Variants in SCYL3 observed in about 807,000 individuals in gnomAD.
SCYL3 encodes protein-associating with the carboxyl-terminal domain of ezrin.
SCYL3 carries 35 observed loss-of-function variants against 73.8 expected under a neutral mutation model. That is an observed-to-expected ratio of 0.47 (90% CI 0.36 to 0.63). The LOEUF (loss-of-function observed/expected upper bound fraction) is 0.63, where lower values mean the gene tolerates loss of function less well. Ranked by LOEUF, SCYL3 falls within the 20% of genes least tolerant of loss-of-function variation. The pLI is 0.00. For missense variants in SCYL3, 712 were observed against 798.9 expected, an observed-to-expected ratio of 0.89 and a Z score of 1.31; for synonymous variants, 277 against 295.2, an observed-to-expected ratio of 0.94 and a Z score of 0.63.
In SCYL3 at chr1:169,866,935, A is replaced by G; in HGVS notation, c.776T>C (p.Leu259Ser). 1 of 1,589,008 alleles carries G rather than the reference A, an allele frequency of 6.3e-7. No homozygotes were observed. Among genetic ancestry groups the G allele is most frequent in the Non-Finnish European group, 8.6e-7 (1 of 1,165,158 alleles). ...FLEVVNFLKS[L>S]TLKSEEEKTE... ...TTTCTCCTCTTCACTCTTCAATGTT[A>G]AACTTTTCAAGAAATTCACAACTTC... is the stretch of plus-strand genomic sequence containing the variant. The change falls in exon 8 of 13, where the codon TTA becomes TCA. Residue 259 changes from leucine to serine, a missense_variant. Around this residue, in one of 2 missense-constraint regions of SCYL3, gnomAD observed 342 missense variants for 448.1 expected, o/e 0.76. Transcript: ENST00000367771.
chr1:169,870,219 T>C, intron 6 of SCYL3, 36 bp downstream of exon 6: 1 of 1,385,466 alleles, frequency 7.2e-7, no homozygotes, highest in African/African-American at 1.4e-5. Flanking sequence ...ATTTTCCTAC[T>C]TATTCTATAG....
chr1:169,855,051 A>G, intron 11 of SCYL3, 87 bp from the exon 12 acceptor site: 1 of 924,456 alleles, frequency 1.1e-6, no homozygotes. Flanking sequence ...GAAGTGTAGT[A>G]GTATAGGTCT....
At chr1:169,883,813 G>C (rs778023649) in intron 2 of SCYL3, among the ~76,000 whole-genome samples, 1 of 150,718 alleles carries the variant, frequency 6.6e-6, no homozygotes, top group Non-Finnish European at 1.5e-5. Context: ...CCGCCTCCCA[G>C]GTTCAACCAA....
chr1:169,859,123 C>T lies in SCYL3; in HGVS notation c.1230G>A (p.Glu410=), dbSNP rs1017880804. 6.2e-7 allele frequency: 1 copy of T among 1,614,046 alleles called. No homozygotes were observed. The highest frequency in any genetic ancestry group is 8.5e-7 in the Non-Finnish European group (1 of 1,180,000). Residue 410 remains glutamate (E), a synonymous_variant, in exon 11 of 13, where the codon GAG becomes GAA. Coordinates refer to ENST00000367771, the MANE Select transcript of SCYL3 (RefSeq NM_020423.7). ...LAVLVSLLGP[E]VVVGGERTKI... ...TGGTTCGTTCTCCTCCCACAACCAC[C>T]TCTGGTCCAAGCAGAGAGACCAGCA...
At chr1:169,859,969 C>A (rs1022604389) in intron 10 of SCYL3, 2 of 152,294 alleles carry the variant, frequency 1.3e-5, no homozygotes, top group Non-Finnish European at 2.9e-5. Context: ...GCAGGTCAAA[C>A]TCCTGGGCTG....
Position 169,854,799 on chromosome 1 carries a change from A to G in SCYL3, c.1478T>C (p.Ile493Thr). ...ATCATCACAAGGTTCTCTAGGCCAA[A>G]TCTGTATGTTGACAGTTTGATTTTC... Reference protein sequence around the residue: ...EPENQTVNIQIWPREPCDDVK... With the variant: ...EPENQTVNIQTWPREPCDDVK... Residue 493 changes from isoleucine to threonine, a missense_variant, in exon 12 of 13, where the codon ATT (isoleucine) becomes ACT (threonine). Around this residue, in one of 2 missense-constraint regions of SCYL3, gnomAD observed 370 missense variants for 350.8 expected, o/e 1.05. Coordinates refer to ENST00000367771, the MANE Select transcript of SCYL3 (RefSeq NM_020423.7). 1 of 1,614,012 alleles carries G rather than the reference A, an allele frequency of 6.2e-7. No homozygotes were observed. The highest frequency in any genetic ancestry group is 1.7e-5 in the Admixed American group (1 of 60,014).
rs1661850765 is a variant in SCYL3 at position 169,888,696 on chromosome 1, T to G, written c.145A>C (p.Lys49Gln). ...VFVYKRENED[K>Q]VNKAAKHLKT... ...GGTACCTTGGCAGCTTTATTAACCT[T>G]GTCTTCATTTTCTCTCTTATACACA... Residue 49 changes from lysine to glutamine, a missense_variant, in exon 2 of 13, where the codon AAG becomes CAG. By Grantham distance (53) the Lys-to-Gln change is moderately conservative (BLOSUM62 1). Around this residue, in one of 2 missense-constraint regions of SCYL3, gnomAD observed 342 missense variants for 448.1 expected, o/e 0.76. Transcript: ENST00000367771. 1 of 1,613,874 alleles carries G rather than the reference T, an allele frequency of 6.2e-7. No homozygotes were observed. Among genetic ancestry groups the G allele is most frequent in the Admixed American group, 1.7e-5 (1 of 59,994 alleles).
In SCYL3 at chr1:169,854,827, G is replaced by C. The variant is rs766614589; in HGVS notation, c.1450C>G (p.Pro484Ala). 10 of 1,613,980 alleles carry C rather than the reference G, an allele frequency of 6.2e-6. No individual in the cohort carries two copies. The highest frequency in any genetic ancestry group is 8.5e-6 in the Non-Finnish European group (10 of 1,179,942). ...TGTATGTTGACAGTTTGATTTTCAG[G>C]CTCCTCAGGTTCACTCCAGTCAGGC... is the stretch of plus-strand genomic sequence containing the variant. ...EWPDWSEPEEPENQTVNIQIW... is the reference protein window; with the variant it reads ...EWPDWSEPEEAENQTVNIQIW... The change falls in exon 12 of 13, where the codon CCT becomes GCT. Residue 484 changes from proline to alanine, a missense_variant. Transcript: ENST00000367771.
intron 2 of SCYL3, among the ~76,000 whole-genome samples, chr1:169,886,530 A>C (rs944858700): frequency 4.6e-5 from 7 of 152,224 alleles, no homozygotes; most frequent in Non-Finnish European, 1.0e-4. Context: ...GCATCTACAT[A>C]CCACTCTTAG....
chr1:169,873,450 T>C (rs1660572590), intron 5 of SCYL3, among the ~76,000 whole-genome samples: 1 of 152,244 alleles, frequency 6.6e-6, no homozygotes, highest in Non-Finnish European at 1.5e-5. Context: ...GAAATGGGTA[T>C]AATTGTCTGT....
At position 169,853,065 on chromosome 1, in the gene SCYL3, T is replaced by A. The variant is rs1571366496; in HGVS notation, c.*648A>T. 2 of 1,413,884 alleles carry A rather than the reference T, an allele frequency of 1.4e-6. No individual in the cohort carries two copies. The highest frequency in any genetic ancestry group is 9.8e-7 in the Non-Finnish European group (1 of 1,018,350). The allele number at this position is 1,413,884 out of a possible 1,614,324, so 87.6% of individuals were successfully genotyped here. ...ATGTCTGTACATTTTCTAACAGATA[T>A]AAAACAAATTTTGTAAAGTTGAATC... On this transcript the variant is annotated 3_prime_UTR_variant, in exon 13 of 13. Coordinates refer to ENST00000367771, the MANE Select transcript of SCYL3 (RefSeq NM_020423.7).
In SCYL3 at chr1:169,870,817, C is replaced by T. The variant is rs149167832; in HGVS notation, c.523-460G>A. 2.6e-4 allele frequency among the ~76,000 whole-genome samples: 39 copies of T among 151,650 alleles called. No individual in the cohort carries two copies. In the East Asian group the frequency reaches 6.4e-3, roughly 25 times the overall value. On this transcript the variant is annotated intron_variant, in intron 5 of 12. Coordinates refer to ENST00000367771, the MANE Select transcript of SCYL3 (RefSeq NM_020423.7). The stretch of plus-strand genomic sequence containing the variant: ...AATTGACTTAAAACCCGCAAATCAC[C>T]GATTTTAAAAACACTAGTATATATA...
chr1:169,852,556 T>G lies in SCYL3; in HGVS notation c.*1157A>C. 1 of 536,888 alleles carries G rather than the reference T, an allele frequency of 1.9e-6. No individual in the cohort carries two copies. The highest frequency in any genetic ancestry group is 3.3e-6 in the Non-Finnish European group (1 of 302,318). The allele number at this position is 536,888 out of a possible 1,614,324, so 33.3% of individuals were successfully genotyped here. On this transcript the variant is annotated 3_prime_UTR_variant, in exon 13 of 13. Transcript: ENST00000367771. ...GAGCCCTTTGGGACAGGATACTTGTTGTATACCACATACAAACTAAGACAC... is the reference window on the plus strand; with the variant it reads ...GAGCCCTTTGGGACAGGATACTTGTGGTATACCACATACAAACTAAGACAC...
intron 2 of SCYL3, among the ~76,000 whole-genome samples, chr1:169,883,646 A>T (rs1380223684): frequency 6.6e-6 from 1 of 151,924 alleles, no homozygotes; most frequent in Non-Finnish European, 1.5e-5. Context: ...GATGCCTCAA[A>T]CTTTATTAAA....
At chr1:169,878,942 CT>C in intron 2 of SCYL3, 123 bp from the exon 3 acceptor site, 1 of 741,846 alleles carries the variant, frequency 1.3e-6, no homozygotes, top group South Asian at 1.8e-5. Flanking sequence ...AGCTCCCTAC[CT>C]TCCTCCCTAC....
At chr1:169,879,796 CTAGAGA>C (rs557768944) in intron 2 of SCYL3, among the ~76,000 whole-genome samples, 123 of 151,714 alleles carry the variant, frequency 8.1e-4, no homozygotes, top group Non-Finnish European at 1.4e-3. Flanking sequence ...AATCATCCTC[CTAGAGA>C]TAAAGGAAAA....
chr1:169,854,220 G>A (rs1658889259), intron 12 of SCYL3, 50 bp downstream of exon 12: 1 of 1,402,582 alleles, frequency 7.1e-7, no homozygotes, highest in African/African-American at 1.4e-5. Flanking sequence ...TAGGACCTAT[G>A]AGGGAAATCC....
chr1:169,873,393 T>C (rs184031944), intron 5 of SCYL3, among the ~76,000 whole-genome samples: 43 of 152,310 alleles, frequency 2.8e-4, no homozygotes, highest in African/African-American at 1.0e-3. Flanking sequence ...GTCGCAGGTA[T>C]GTCTTTATCA....
intron 8 of SCYL3, among the ~76,000 whole-genome samples, chr1:169,865,452 C>A (rs191167157): frequency 1.3e-3 from 201 of 152,256 alleles, no homozygotes; most frequent in African/African-American, 4.6e-3. Context: ...TTAAGGCCAC[C>A]CCCATCCAGC....
Sources: allele counts gnomAD v4.1 joint callset (sites outside exome capture counted in the v4.1 genomes callset), GRCh38; gene constraint gnomAD v4.1.1; regional missense constraint gnomAD v4.1.1; transcripts MANE v1.5; gene names NCBI Gene and HGNC (gene_info 2026-07-23, HGNC 2026-07-21).